The following FLNB variants were observed in gnomAD, a reference collection of about 807,000 sequenced individuals.
The protein encoded by FLNB is filamin-B.
In FLNB, 111 loss-of-function variants were observed where a neutral mutation model predicts 250.6. That is an observed-to-expected ratio of 0.44 (90% CI 0.38 to 0.52). The LOEUF (loss-of-function observed/expected upper bound fraction) is 0.52. FLNB is among the 20% of genes least tolerant of loss of function. FLNB has a pLI of 0.00. For missense variants in FLNB, 2,869 were observed against 3,447.8 expected (o/e 0.83, Z 4.20); for synonymous variants, 1,302 against 1,372.1 (o/e 0.95, Z 1.13).
intron 29 of FLNB, among the ~76,000 whole-genome samples, chr3:58,139,510 C>G (rs2097322730): frequency 6.6e-6 from 1 of 152,226 alleles, no homozygotes; most frequent in South Asian, 2.1e-4. Context: ...CAGGGACTTT[C>G]TTCCGAACAG....
chr3:58,129,313 G>C (rs578146191), intron 24 of FLNB, among the ~76,000 whole-genome samples: 1 of 152,334 alleles, frequency 6.6e-6, no homozygotes, highest in East Asian at 1.9e-4. Flanking sequence ...GTCTGGGCAT[G>C]GAACAGGGGA....
At chr3:58,031,770 C>T (rs1433524353) in intron 1 of FLNB, among the ~76,000 whole-genome samples, 2 of 151,760 alleles carry the variant, frequency 1.3e-5, no homozygotes, top group Non-Finnish European at 2.9e-5. Flanking sequence ...TCTCGAACCC[C>T]TGGGTTCAAG....
chr3:58,026,706 G>A (rs1267126248), intron 1 of FLNB, among the ~76,000 whole-genome samples: 5 of 152,264 alleles, frequency 3.3e-5, no homozygotes, highest in Admixed American at 6.5e-5. Flanking sequence ...TGCATGAACC[G>A]TGTACTTCCC....
chr3:58,105,652 A>G (rs1278549693), intron 11 of FLNB, among the ~76,000 whole-genome samples: 1 of 152,218 alleles, frequency 6.6e-6, no homozygotes, highest in Non-Finnish European at 1.5e-5. Context: ...AGCTTTTTCT[A>G]TAAAAGGCCA....
intron 4 of FLNB, among the ~76,000 whole-genome samples, chr3:58,093,840 C>T (rs192393638): frequency 4.6e-5 from 7 of 152,096 alleles, no homozygotes; most frequent in East Asian, 3.9e-4. Flanking sequence ...AACCTGTAGA[C>T]AATTATATGT....
intron 7 of FLNB, 47 bp downstream of exon 7, chr3:58,098,024 G>A (rs1343749619): frequency 6.3e-7 from 1 of 1,599,618 alleles, no homozygotes; most frequent in Non-Finnish European, 8.6e-7. Context: ...CTTTCTTCCA[G>A]AGGCTGAAAT....
At chr3:58,088,275 T>C (rs1398760357) in intron 4 of FLNB, among the ~76,000 whole-genome samples, 1 of 152,138 alleles carries the variant, frequency 6.6e-6, no homozygotes, top group Non-Finnish European at 1.5e-5. Flanking sequence ...CTCGAACTCC[T>C]GACCTCAGGT....
At chr3:58,099,997 G>A (rs1346884512) in intron 8 of FLNB, among the ~76,000 whole-genome samples, 1 of 152,036 alleles carries the variant, frequency 6.6e-6, no homozygotes, top group Non-Finnish European at 1.5e-5. Flanking sequence ...TTTTGATGTT[G>A]AGACTGTTGC....
At chr3:58,077,783 GGTC>G (rs1304761934) in intron 2 of FLNB, among the ~76,000 whole-genome samples, 13 of 152,132 alleles carry the variant, frequency 8.5e-5, no homozygotes, top group Non-Finnish European at 1.3e-4. Context: ...AATAGCATTT[GGTC>G]AGGATCCAGT....
At chr3:58,012,348 A>T (rs1309269746) in intron 1 of FLNB, among the ~76,000 whole-genome samples, 4 of 151,476 alleles carry the variant, frequency 2.6e-5, no homozygotes, top group Non-Finnish European at 5.9e-5. Flanking sequence ...TATTATCTTT[A>T]TTTAAAGATG....
In FLNB at chr3:58,168,600, C is replaced by T. The variant is rs8640; in HGVS notation, c.7359C>T (p.Ser2453=). The change falls in exon 44 of 46, where the codon AGC becomes AGT. Residue 2453 remains serine (S), a synonymous_variant. Transcript: ENST00000295956. ...TPMAPGNYLI[S]VKYGGPNHIV... ...TGGCTCCTGGTAACTACCTGATCAG[C>T]GTCAAATACGGTGGGCCCAACCACA... 505,622 of 1,613,232 alleles carry T rather than the reference C, an allele frequency of 0.31. 95,127 individuals are homozygous for T. Among genetic ancestry groups the T allele is most frequent in the East Asian group, 0.93 (41,581 of 44,878 alleles).
At chr3:58,107,852 T>A in intron 12 of FLNB, among the ~76,000 whole-genome samples, 1 of 152,214 alleles carries the variant, frequency 6.6e-6, no homozygotes, top group Admixed American at 6.5e-5. Flanking sequence ...ATGATATTCC[T>A]TTGCCCTCTA....
rs78832087 is a variant in FLNB, at chr3:58,047,412, T to C, written c.293-29634T>C. Among the ~76,000 whole-genome samples, 461 of 152,302 alleles carry C rather than the reference T, an allele frequency of 3.0e-3. 1 individual carries two copies. Among genetic ancestry groups the C allele is most frequent in the African/African-American group, 0.011 (446 of 41,554 alleles). On this transcript the variant is annotated intron_variant, in intron 1 of 45. Transcript: ENST00000295956. ...TTATTTTAGAGATGGGATCTCACTA[T>C]GTTGTCCAGGCTGGTCTGGAAACCC...
chr3:58,102,450 A>C, intron 9 of FLNB, 110 bp downstream of exon 9: 2 of 1,268,254 alleles, frequency 1.6e-6, no homozygotes, highest in Non-Finnish European at 2.3e-6. Flanking sequence ...CCAGAAGGCT[A>C]TGTCAAGGAT....
Position 58,096,143 on chromosome 3 carries a change from A to G in FLNB, c.909A>G (p.Ala303=), listed in dbSNP as rs2097238140. ...CTGTTGCCCACCTTCCCTCCTAGGC[A>G]CAAGTGACCCCTGACAGTGACAAGA... ...VEDPEGNKEE[A]QVTPDSDKNK... The change falls in exon 6 of 46, where the codon GCA becomes GCG. Residue 303 remains alanine (A), a splice_region_variant and synonymous_variant. Transcript: ENST00000295956. 6 of 1,613,460 alleles carry G rather than the reference A, an allele frequency of 3.7e-6. No individual in the cohort carries two copies. In the East Asian group the frequency reaches 1.3e-4, roughly 36 times the overall value.
intron 1 of FLNB, among the ~76,000 whole-genome samples, chr3:58,050,474 CAG>C (rs949566466): frequency 2.0e-5 from 3 of 152,242 alleles, no homozygotes; most frequent in African/African-American, 7.2e-5. Context: ...CTGGAAAAAA[CAG>C]GGGTTCCAGG....
chr3:58,050,626 G>A (rs1484700285), intron 1 of FLNB, among the ~76,000 whole-genome samples: 3 of 152,174 alleles, frequency 2.0e-5, no homozygotes, highest in Non-Finnish European at 4.4e-5. Flanking sequence ...TACCAGTGAG[G>A]ACTCATGGGT....
At chr3:58,021,336 T>C (rs1249895314) in intron 1 of FLNB, among the ~76,000 whole-genome samples, 1 of 152,118 alleles carries the variant, frequency 6.6e-6, no homozygotes, top group East Asian at 1.9e-4. Context: ...GTGCTATCAG[T>C]TGAGCAGAGT....
intron 1 of FLNB, among the ~76,000 whole-genome samples, chr3:58,032,497 GC>G (rs766501192): frequency 1.2e-4 from 19 of 152,310 alleles, no homozygotes; most frequent in Admixed American, 5.2e-4. Context: ...CCAGTCAATA[GC>G]TTTTTGTCTG....
Sources: gnomAD v4.1 joint callset for allele counts (sites outside exome capture counted in the v4.1 genomes callset) on GRCh38, gnomAD v4.1.1 for gene constraint, MANE v1.5 for transcripts, NCBI Gene and HGNC (gene_info 2026-07-23, HGNC 2026-07-21) for gene names.